Variants in DENND2D observed in about 807,000 individuals in gnomAD.
DENND2D encodes DENN domain containing 2D, also known as DENN domain-containing protein 2D.
DENND2D carries 37 observed loss-of-function variants against 59.8 expected under a neutral mutation model. The ratio of observed to expected loss-of-function variants is 0.62; its 90% confidence interval spans 0.48 to 0.81. DENND2D has a LOEUF of 0.81. DENND2D is among the 40% of genes least tolerant of loss of function. The pLI, the probability that DENND2D is intolerant of heterozygous loss-of-function variation, is 0.00. For synonymous variants in DENND2D, 219 were observed against 211.3 expected (o/e 1.04, Z -0.31); for missense variants, 525 against 579.7 (o/e 0.91, Z 0.97).
At position 111,192,128 on chromosome 1, in the gene DENND2D, G is replaced by T; in HGVS notation, c.972+12C>A. 6.4e-7 allele frequency: 1 copy of T among 1,569,500 alleles called. No individual in the cohort carries two copies. On this transcript the variant is annotated intron_variant, in intron 8 of 11. Coordinates refer to ENST00000357640, the MANE Select transcript of DENND2D (RefSeq NM_024901.5). ...TGGCTCCAAATCATGCACTCTTCTTGCCACATCATACCTCTTCCATAGGGC... is the reference window on the plus strand; with the variant it reads ...TGGCTCCAAATCATGCACTCTTCTTTCCACATCATACCTCTTCCATAGGGC...
chr1:111,204,450 G>C, upstream of DENND2D: 2 of 1,229,892 alleles, frequency 1.6e-6, no homozygotes, highest in Non-Finnish European at 2.1e-6. Flanking sequence ...TTTCACGCGG[G>C]GGGAGGCCTA....
chr1:111,195,831 G>A, intron 6 of DENND2D, 85 bp downstream of exon 6: 2 of 1,586,904 alleles, frequency 1.3e-6, no homozygotes, highest in Non-Finnish European at 1.7e-6. Flanking sequence ...ACTTTAACCT[G>A]GTTAATGGAA....
chr1:111,189,997 TACTA>T (rs1251507470), intron 8 of DENND2D, among the ~76,000 whole-genome samples: 6 of 151,822 alleles, frequency 4.0e-5, no homozygotes, highest in Admixed American at 3.9e-4. Flanking sequence ...ACCCTGTCTC[TACTA>T]AAAACGCAAA....
In DENND2D at chr1:111,195,920, G is replaced by C; in HGVS notation, c.641C>G (p.Thr214Ser). ...TLKSFIPDSGTEFISLTRPLD... is the reference protein window; with the variant it reads ...TLKSFIPDSGSEFISLTRPLD... ...TCACCCATTTTGCTAACCCACCTCAGTGCCTGAGTCGGGGATGAAGCTCTT... is the reference window on the plus strand; with the variant it reads ...TCACCCATTTTGCTAACCCACCTCACTGCCTGAGTCGGGGATGAAGCTCTT... Residue 214 changes from threonine (T) to serine (S), a missense_variant, in exon 6 of 12, where the codon ACT becomes AGT. This residue lies in a region of DENND2D where 47 missense variants were observed against 80.9 expected (regional missense o/e 0.58). Transcript: ENST00000357640. 6.2e-7 allele frequency: 1 copy of C among 1,614,070 alleles called. No individual in the cohort carries two copies. Among genetic ancestry groups the C allele is most frequent in the Non-Finnish European group, 8.5e-7 (1 of 1,180,000 alleles).
At chr1:111,204,084 GCCTCGCCGT>G, upstream of DENND2D, 1 of 389,692 alleles carries the variant, frequency 2.6e-6, no homozygotes, top group Non-Finnish European at 4.4e-6. Flanking sequence ...CTCAGGCCTG[GCCTCGCCGT>G]CCCCGCCCCC....
chr1:111,199,562 C>T, intron 2 of DENND2D, 61 bp downstream of exon 2: 1 of 1,551,086 alleles, frequency 6.4e-7, no homozygotes, highest in Non-Finnish European at 8.7e-7. Flanking sequence ...GAACCCCCAC[C>T]CCTACCACCT....
At position 111,186,618 on chromosome 1, in the gene DENND2D, A is replaced by G. The variant is rs1657263508; in HGVS notation, c.*987T>C. ...GTATCAAGGGAGGAGAGACTAGGTG[A>G]CCACTAAACTCCTTCAGACTCTTAA... On this transcript the variant is annotated 3_prime_UTR_variant, in exon 12 of 12. Coordinates refer to ENST00000357640, the MANE Select transcript of DENND2D (RefSeq NM_024901.5). 6.6e-6 allele frequency among the ~76,000 whole-genome samples: 1 copy of G among 152,214 alleles called. No homozygotes were observed. Among genetic ancestry groups the G allele is most frequent in the South Asian group, 2.1e-4 (1 of 4,834 alleles).
chr1:111,193,841 C>A (rs979699427), intron 7 of DENND2D, among the ~76,000 whole-genome samples: 1 of 152,190 alleles, frequency 6.6e-6, no homozygotes, highest in Non-Finnish European at 1.5e-5. Context: ...GAGACCATGG[C>A]ACAATAGTAC....
chr1:111,189,515 A>G (rs1657530926), intron 8 of DENND2D, among the ~76,000 whole-genome samples: 2 of 152,224 alleles, frequency 1.3e-5, no homozygotes, highest in African/African-American at 2.4e-5. Flanking sequence ...GAAATACAAG[A>G]TGGAGAAATC....
At chr1:111,191,138 T>C (rs1021606107) in intron 8 of DENND2D, among the ~76,000 whole-genome samples, 2 of 152,172 alleles carry the variant, frequency 1.3e-5, no homozygotes, top group African/African-American at 4.8e-5. Context: ...ATGGGGCTAA[T>C]ACTCTGTCCC....
At chr1:111,196,172 C>T in intron 5 of DENND2D, 116 bp from the exon 6 acceptor site, 1 of 1,341,846 alleles carries the variant, frequency 7.5e-7, no homozygotes, top group Non-Finnish European at 9.9e-7. Flanking sequence ...AGCTGATCCT[C>T]ATGTATCTTC....
In DENND2D at chr1:111,198,760, A is replaced by C; in HGVS notation, c.244-18T>G. ...TTCTCCCGCTATAAGGCAAAGGAAA[A>C]GACAAGTGGATGTGAAGCTGGGGGC... On this transcript the variant is annotated intron_variant, in intron 2 of 11. Coordinates refer to ENST00000357640, the MANE Select transcript of DENND2D (RefSeq NM_024901.5). 1 of 1,613,598 alleles carries C rather than the reference A, an allele frequency of 6.2e-7. No homozygotes were observed. Among genetic ancestry groups the C allele is most frequent in the Non-Finnish European group, 8.5e-7 (1 of 1,179,658 alleles).
At chr1:111,204,198 G>A, upstream of DENND2D, 1 of 1,262,674 alleles carries the variant, frequency 7.9e-7, no homozygotes, top group Non-Finnish European at 1.0e-6. Context: ...GGATCTCGAC[G>A]CCCCGTGCCG....
rs1658496909 is a variant in DENND2D at position 111,198,703 on chromosome 1, GCTC to G, written c.280_282del (p.Glu94del). ...AACAAGGGGATAGCTTTGAGCAGCC[GCTC>G]CTCCTCCTCCTGCTGACCCCGAAGC... is the stretch of plus-strand genomic sequence containing the variant. On this transcript the variant is annotated inframe_deletion, in exon 3 of 12. Coordinates refer to ENST00000357640, the MANE Select transcript of DENND2D (RefSeq NM_024901.5). 6.2e-7 allele frequency: 1 copy of G among 1,613,916 alleles called. No individual in the cohort carries two copies. Among genetic ancestry groups the G allele is most frequent in the Non-Finnish European group, 8.5e-7 (1 of 1,179,886 alleles).
chr1:111,200,140 G>A lies in DENND2D; in HGVS notation c.67+253C>T, dbSNP rs992179461. 32 of 574,474 alleles carry A rather than the reference G, an allele frequency of 5.6e-5. 1 individual carries two copies. Among genetic ancestry groups the A allele is most frequent in the Admixed American group, 4.9e-4 (16 of 32,656 alleles). The allele number at this position is 574,474 out of a possible 1,614,324, so 35.6% of individuals were successfully genotyped here. A position where few individuals can be genotyped will look rare whatever the true frequency, so the allele number is the denominator to read the frequency against. ...GCTTCTGGCAGTCCTGGAACAATAT[G>A]GCCTGAGAGTTTAGTTCATACTAAG... On this transcript the variant is annotated intron_variant, in intron 1 of 11. Coordinates refer to ENST00000357640, the MANE Select transcript of DENND2D (RefSeq NM_024901.5).
intron 5 of DENND2D, 27 bp downstream of exon 5, chr1:111,197,149 G>GCAGGCCAAA (rs1553243665): frequency 7.5e-6 from 12 of 1,604,694 alleles, no homozygotes; most frequent in East Asian, 2.2e-5. Context: ...TGGAATATGG[G>GCAGGCCAAA]CAGGCCCTGA....
intron 6 of DENND2D, chr1:111,195,165 T>A (rs940931348): frequency 4.3e-5 from 7 of 161,180 alleles, no homozygotes; most frequent in African/African-American, 1.7e-4. Flanking sequence ...TTCATCACAG[T>A]TACATAATTT....
At chr1:111,197,075 C>T (rs1658300403) in intron 5 of DENND2D, 101 bp downstream of exon 5, 1 of 1,330,398 alleles carries the variant, frequency 7.5e-7, no homozygotes, top group African/African-American at 1.5e-5. Flanking sequence ...CTGACTCTGG[C>T]TATGGGAGAA....
chr1:111,192,665 C>G (rs909867906), intron 7 of DENND2D, among the ~76,000 whole-genome samples: 11 of 152,186 alleles, frequency 7.2e-5, no homozygotes, highest in African/African-American at 2.7e-4. Flanking sequence ...AGCCCCTAGC[C>G]TGTGCTCACA....
Sources: gnomAD v4.1 joint callset for allele counts (sites outside exome capture counted in the v4.1 genomes callset) on GRCh38, gnomAD v4.1.1 for gene constraint, gnomAD v4.1.1 regional missense constraint, MANE v1.5 for transcripts, NCBI Gene and HGNC (gene_info 2026-07-23, HGNC 2026-07-21) for gene names.